Variants in UBN1 observed in about 807,000 individuals in gnomAD.
The protein encoded by UBN1 is ubinuclein-1.
UBN1 carries 17 observed loss-of-function variants against 108.5 expected under a neutral mutation model. The ratio of observed to expected loss-of-function variants is 0.16; its 90% CI spans 0.11 to 0.24. The LOEUF is 0.24. Ranked by LOEUF, UBN1 falls within the 10% of genes least tolerant of loss-of-function variation. The pLI is 1.00. For synonymous variants in UBN1, 726 were observed against 564.2 expected (o/e 1.29, Z -4.07); for missense variants, 1,595 against 1,394.4 (o/e 1.14, Z -2.29).
chr16:4,873,727 C>G (rs1043774689), intron 14 of UBN1, among the ~76,000 whole-genome samples: 1 of 152,118 alleles, frequency 6.6e-6, no homozygotes, highest in Admixed American at 6.6e-5. Context: ...AGGATTAGAC[C>G]CCATTCCTGT....
chr16:4,852,767 C>A, intron 1 of UBN1, 112 bp from the exon 2 acceptor site: 3 of 1,135,876 alleles, frequency 2.6e-6, no homozygotes, highest in Non-Finnish European at 3.6e-6. Flanking sequence ...CAAAATATAA[C>A]AATGGAGTTT....
intron 7 of UBN1, among the ~76,000 whole-genome samples, chr16:4,862,132 A>C (rs143244623): frequency 6.6e-6 from 1 of 152,344 alleles, no homozygotes; most frequent in East Asian, 1.9e-4. Flanking sequence ...AAGCATCAGG[A>C]CTTGTGATGC....
chr16:4,854,072 C>T (rs936670676), intron 2 of UBN1, among the ~76,000 whole-genome samples: 4 of 152,078 alleles, frequency 2.6e-5, no homozygotes, highest in African/African-American at 4.8e-5. Context: ...CTTACTCTGT[C>T]GCCCAGGCTG....
intron 1 of UBN1, among the ~76,000 whole-genome samples, chr16:4,850,523 C>T (rs988258716): frequency 5.8e-4 from 89 of 152,194 alleles, no homozygotes; most frequent in African/African-American, 2.1e-3. Flanking sequence ...ATTTCCACAA[C>T]CCAGCGCATC....
chr16:4,859,659 G>T (rs535162290), intron 5 of UBN1, among the ~76,000 whole-genome samples: 15 of 152,332 alleles, frequency 9.8e-5, no homozygotes, highest in Non-Finnish European at 2.1e-4. Context: ...GGTCACTGTT[G>T]TCTCAGCCCT....
chr16:4,851,176 G>T (rs2086539115), intron 1 of UBN1, among the ~76,000 whole-genome samples: 1 of 152,174 alleles, frequency 6.6e-6, no homozygotes, highest in Non-Finnish European at 1.5e-5. Flanking sequence ...TTCATCTGGG[G>T]TTAATGAAGT....
chr16:4,876,248 G>A (rs1304382628), intron 15 of UBN1, among the ~76,000 whole-genome samples: 2 of 152,112 alleles, frequency 1.3e-5, no homozygotes, highest in African/African-American at 4.8e-5. Flanking sequence ...GTGAGCCACT[G>A]CACCCGGCCT....
At position 4,877,648 on chromosome 16, in the gene UBN1, C is replaced by T; in HGVS notation, c.3355+174C>T. 7.6e-7 allele frequency: 1 copy of T among 1,316,598 alleles called. No individual in the cohort carries two copies. Among genetic ancestry groups the T allele is most frequent in the Non-Finnish European group, 9.7e-7 (1 of 1,034,348 alleles). The allele number at this position is 1,316,598 out of a possible 1,614,324, so 81.6% of individuals were successfully genotyped here. A position where few individuals can be genotyped will look rare whatever the true frequency, so the allele number is the denominator to read the frequency against. ...ACTCAGGGTGACACGCACTTCTACT[C>T]TTGGGGTTTCCTCTGGTCCCCACTT... On this transcript the variant is annotated intron_variant, in intron 17 of 17. Coordinates refer to ENST00000262376, the MANE Select transcript of UBN1 (RefSeq NM_001079514.3). The surrounding 1 kb of genome is among the most constrained non-coding windows in gnomAD (Gnocchi z 4.3).
rs1002761123 is a variant in UBN1, at chr16:4,876,761, A to G, written c.3025-110A>G. On this transcript the variant is annotated intron_variant, in intron 15 of 17. Transcript: ENST00000262376. ...CCAGGGCCATCTGACATGGATGTGT[A>G]TGTCCTCCTTTGTGGACACACAAGG... is the stretch of plus-strand genomic sequence containing the variant. 7 of 1,480,166 alleles carry G rather than the reference A, an allele frequency of 4.7e-6. No individual in the cohort carries two copies. The Admixed American group carries it at 1.2e-4, about 25-fold the overall frequency. 91.7% of individuals were successfully genotyped at this position (1,480,166 alleles called of 1,614,324 possible).
At chr16:4,849,668 T>C (rs1040542235) in intron 1 of UBN1, among the ~76,000 whole-genome samples, 11 of 151,162 alleles carry the variant, frequency 7.3e-5, no homozygotes, top group South Asian at 6.4e-4. Context: ...CACGGCTCAC[T>C]GCAGCCTGGA....
chr16:4,866,359 GGTT>G (rs1336127131), intron 7 of UBN1, among the ~76,000 whole-genome samples: 1 of 152,098 alleles, frequency 6.6e-6, no homozygotes, highest in Non-Finnish European at 1.5e-5. Context: ...ACTTAGTTTT[GGTT>G]GTTTGGTGTT....
intron 1 of UBN1, among the ~76,000 whole-genome samples, chr16:4,850,605 A>C (rs2086512878): frequency 6.6e-6 from 1 of 152,078 alleles, no homozygotes; most frequent in Non-Finnish European, 1.5e-5. Context: ...GTGTTGGGAG[A>C]TGGTCTTTTG....
rs528124300 is a variant in UBN1, at chr16:4,873,242, C to A, written c.1800+169C>A. Among the ~76,000 whole-genome samples, 6 of 152,328 alleles carry A rather than the reference C, an allele frequency of 3.9e-5. No homozygotes were observed. The East Asian group carries it at 1.2e-3, about 29-fold the overall frequency. On this transcript the variant is annotated intron_variant, in intron 14 of 17. Transcript: ENST00000262376. ...CAGGACAGAGACCCAAGCCACTTAA[C>A]CCCCCTCTAGCCTTGGTTCTACAAA...
At chr16:4,869,028 G>GT in intron 8 of UBN1, 125 bp downstream of exon 8, 1 of 859,976 alleles carries the variant, frequency 1.2e-6, no homozygotes, top group Non-Finnish European at 1.7e-6. Flanking sequence ...GGAGATAAAA[G>GT]AAGAATTGGA....
At chr16:4,859,592 A>G (rs183566043) in intron 5 of UBN1, among the ~76,000 whole-genome samples, 49 of 152,316 alleles carry the variant, frequency 3.2e-4, no homozygotes, top group Admixed American at 2.7e-3. Flanking sequence ...TGTGTTTAAG[A>G]TGAGAGGTAG....
intron 2 of UBN1, 88 bp from the exon 3 acceptor site, chr16:4,857,902 A>G: frequency 1.1e-6 from 1 of 900,748 alleles, no homozygotes; most frequent in Non-Finnish European, 1.8e-6. Context: ...TTGTTTTTAT[A>G]GAGGTATTGA....
In UBN1 at chr16:4,874,441, C is replaced by A. The variant is rs760052739; in HGVS notation, c.2031C>A (p.Ser677=). The A allele has an allele frequency of 3.7e-6, 6 of 1,613,370 alleles. No homozygotes were observed. Among genetic ancestry groups the A allele is most frequent in the Non-Finnish European group, 5.1e-6 (6 of 1,179,808 alleles). The stretch of plus-strand genomic sequence containing the variant: ...CAGCCTCCTCGGTGGAAGCCGTGTC[C>A]AAGGAATTGGCTGCATTGAATAGCA... ...RNPASSVEAV[S]KELAALNSRA... The change falls in exon 15 of 18, where the codon TCC becomes TCA. Residue 677 remains serine, a synonymous_variant. Coordinates refer to ENST00000262376, the MANE Select transcript of UBN1 (RefSeq NM_001079514.3).
intron 7 of UBN1, among the ~76,000 whole-genome samples, chr16:4,867,312 A>G (rs2087381609): frequency 6.6e-6 from 1 of 152,338 alleles, no homozygotes; most frequent in Middle Eastern, 3.4e-3. Context: ...TGAACAACAC[A>G]GGGTTTAACT....
At chr16:4,865,039 A>C (rs898368890) in intron 7 of UBN1, among the ~76,000 whole-genome samples, 1 of 152,220 alleles carries the variant, frequency 6.6e-6, no homozygotes, top group Admixed American at 6.5e-5. Context: ...TGGAACTCTT[A>C]TAAATCAGCA....
Sources: allele counts gnomAD v4.1 joint callset (sites outside exome capture counted in the v4.1 genomes callset), GRCh38; gene constraint gnomAD v4.1.1; non-coding constraint Gnocchi (gnomAD v3.1); transcripts MANE v1.5; gene names NCBI Gene and HGNC (gene_info 2026-07-23, HGNC 2026-07-21).